The following DMD variants were observed in gnomAD, a reference collection of about 807,000 sequenced individuals.
DMD encodes dystrophin, also known as mutant dystrophin.
In DMD, 63 loss-of-function variants were observed where a neutral mutation model predicts 330.1. The observed-to-expected ratio is 0.19, with a 90% CI of 0.16 to 0.24. DMD has a LOEUF of 0.24. Ranked by LOEUF, DMD falls within the 10% of genes least tolerant of loss-of-function variation. The probability of loss-of-function intolerance (pLI) is 1.00; values close to 1 mark genes in which losing one functional copy is unlikely to be tolerated. For synonymous variants in DMD, 1,223 were observed against 959.8 expected (o/e 1.27, Z -5.07); for missense variants, 3,344 against 2,684.1 (o/e 1.25, Z -5.43).
intron 44 of DMD, among the ~76,000 whole-genome samples, chrX:32,002,650 G>A (rs1339616317): frequency 2.7e-5 from 3 of 110,826 alleles, no homozygotes; most frequent in Non-Finnish European, 3.8e-5. Context: ...GTCTGTCTTC[G>A]ATGAGGGCCT....
At position 31,147,261 on chromosome X, in the gene DMD, A is replaced by T. The variant is rs1177659910; in HGVS notation, c.10797+14T>A. 7 of 1,210,851 alleles carry T rather than the reference A, an allele frequency of 5.8e-6. No individual in the cohort carries two copies. Among genetic ancestry groups the T allele is most frequent in the Non-Finnish European group, 7.8e-6 (7 of 895,111 alleles). The stretch of plus-strand genomic sequence containing the variant: ...AAAAATGAATGTTTGTAAAAATCCC[A>T]TCTCTCTCCTCACTTGCTCCAGCAG... On this transcript the variant is annotated intron_variant, in intron 75 of 78. Coordinates refer to ENST00000357033, the MANE Select transcript of DMD (RefSeq NM_004006.3).
intron 51 of DMD, among the ~76,000 whole-genome samples, chrX:31,745,944 C>T (rs751962490): frequency 7.6e-4 from 85 of 111,495 alleles, no homozygotes; most frequent in African/African-American, 2.7e-3. Context: ...TATAACTTTT[C>T]AATGCCCTTA....
rs930724527 is a variant in DMD at position 32,528,599 on chromosome X, G to A, written c.2169-10468C>T. ...GAAAGACTGGTTCAGGCCAAGAAGG[G>A]AAGTGGGGGTCAGACATGCCTCATT... On this transcript the variant is annotated intron_variant, in intron 17 of 78. Coordinates refer to ENST00000357033, the MANE Select transcript of DMD (RefSeq NM_004006.3). 5.4e-5 allele frequency among the ~76,000 whole-genome samples: 6 copies of A among 111,440 alleles called. No individual in the cohort carries two copies. The Admixed American group carries it at 5.7e-4, about 11-fold the overall frequency.
chrX:32,112,429 C>T (rs754225084), intron 44 of DMD, among the ~76,000 whole-genome samples: 15 of 111,596 alleles, frequency 1.3e-4, no homozygotes, highest in Admixed American at 2.9e-4. Context: ...AAAGACACAA[C>T]GAGGTAGAGG....
At chrX:32,477,360 G>A (rs2041341658) in intron 21 of DMD, among the ~76,000 whole-genome samples, 1 of 110,462 alleles carries the variant, frequency 9.1e-6, no homozygotes, top group Admixed American at 9.7e-5. Flanking sequence ...GGATGGAAGT[G>A]ATAAAGTATA....
chrX:32,483,820 CAAAA>C (rs770119472), intron 21 of DMD, among the ~76,000 whole-genome samples: 2 of 37,269 alleles, frequency 5.4e-5, no homozygotes, highest in Admixed American at 4.2e-4. Context: ...CTCTGAAGTA[CAAAA>C]AAAAAAAAAA....
At chrX:32,949,145 A>G (rs977134055) in intron 2 of DMD, among the ~76,000 whole-genome samples, 1 of 110,223 alleles carries the variant, frequency 9.1e-6, no homozygotes, top group Non-Finnish European at 1.9e-5. Context: ...CTAAAACTAC[A>G]CCCATCTATT....
In DMD at chrX:31,146,423, T is replaced by G. The variant is rs762294570; in HGVS notation, c.10798-9A>C. 8.3e-7 allele frequency: 1 copy of G among 1,206,679 alleles called. No homozygotes were observed. The highest frequency in any genetic ancestry group is 3.0e-5 in the East Asian group (1 of 33,744). ...TTGGCCTCTGCCTGGGGCTAAGTCATCCAAAAGAAAACAGAATTACTTTTC... is the reference window on the plus strand; with the variant it reads ...TTGGCCTCTGCCTGGGGCTAAGTCAGCCAAAAGAAAACAGAATTACTTTTC... On this transcript the variant is annotated splice_polypyrimidine_tract_variant and intron_variant, in intron 75 of 78. Transcript: ENST00000357033.
At chrX:32,518,154 T>A in intron 17 of DMD, 23 bp from the exon 18 acceptor site, 1 of 1,189,997 alleles carries the variant, frequency 8.4e-7, no homozygotes, top group African/African-American at 1.7e-5. Flanking sequence ...AAAATAAAAG[T>A]CATTATTTCT....
intron 48 of DMD, among the ~76,000 whole-genome samples, chrX:31,840,168 T>C (rs184018655): frequency 8.9e-6 from 1 of 111,933 alleles, no homozygotes; most frequent in African/African-American, 3.2e-5. Context: ...GTTTTCATAG[T>C]ATTTATACAT....
chrX:31,954,199 A>G (rs1266481468), intron 45 of DMD, among the ~76,000 whole-genome samples: 1 of 112,061 alleles, frequency 8.9e-6, no homozygotes, highest in Non-Finnish European at 1.9e-5. Context: ...GCAAAAATAG[A>G]TCATCAAAAA....
intron 2 of DMD, among the ~76,000 whole-genome samples, chrX:32,862,611 T>TTTG (rs1370890492): frequency 8.1e-5 from 9 of 111,600 alleles, no homozygotes; most frequent in African/African-American, 2.9e-4. Context: ...GGTAAATGCT[T>TTTG]TATCTTATAT....
chrX:32,116,038 T>A (rs1322610558), intron 44 of DMD, among the ~76,000 whole-genome samples: 1 of 111,705 alleles, frequency 9.0e-6, no homozygotes, highest in Non-Finnish European at 1.9e-5. Context: ...TATGAAAGAG[T>A]TAAATTCTTT....
chrX:31,984,602 C>CACATG (rs1277699143), intron 44 of DMD, among the ~76,000 whole-genome samples: 2 of 112,090 alleles, frequency 1.8e-5, no homozygotes, highest in African/African-American at 6.5e-5. Context: ...GTCTTGTACT[C>CACATG]ACATGATGAA....
chrX:32,029,004 T>G (rs571532699), intron 44 of DMD, among the ~76,000 whole-genome samples: 61 of 111,536 alleles, frequency 5.5e-4, no homozygotes, highest in African/African-American at 1.8e-3. Flanking sequence ...TGCTCTGTTT[T>G]GAACATACTG....
At position 31,121,763 on chromosome X, in the gene DMD, C is replaced by CTT. The variant is rs2032608570; in HGVS notation, c.*154_*155dup. ...AATATAGATTTATTTCTTGTAAACT[C>CTT]TTACTGTCTAATCCTCTTTGTTGTA... is the stretch of plus-strand genomic sequence containing the variant. On this transcript the variant is annotated 3_prime_UTR_variant, in exon 79 of 79. Transcript: ENST00000357033. 1 of 797,077 alleles carries CTT rather than the reference C, an allele frequency of 1.3e-6. No individual in the cohort carries two copies. The highest frequency in any genetic ancestry group is 2.2e-5 in the Admixed American group (1 of 44,872). The allele number at this position is 797,077 out of a possible 1,213,427, so 65.7% of individuals were successfully genotyped here. A position where few individuals can be genotyped will look rare whatever the true frequency, so the allele number is the denominator to read the frequency against.
intron 29 of DMD, among the ~76,000 whole-genome samples, chrX:32,425,778 G>C (rs1356322772): frequency 2.7e-5 from 3 of 110,926 alleles, no homozygotes; most frequent in African/African-American, 9.8e-5. Flanking sequence ...CACAGTACTG[G>C]TACAAAAACA....
chrX:32,212,810 G>A lies in DMD; in HGVS notation c.6438+4106C>T, dbSNP rs745927677. On this transcript the variant is annotated intron_variant, in intron 44 of 78. Coordinates refer to ENST00000357033, the MANE Select transcript of DMD (RefSeq NM_004006.3). ...AAAAAAATGGGATATTTTTAGAGAGGTTCTCCATAGTGGCATGGTATATTG... is the reference window on the plus strand; with the variant it reads ...AAAAAAATGGGATATTTTTAGAGAGATTCTCCATAGTGGCATGGTATATTG... 3.6e-5 allele frequency among the ~76,000 whole-genome samples: 4 copies of A among 111,555 alleles called. No homozygotes were observed. In the East Asian group the frequency reaches 1.1e-3, roughly 32 times the overall value.
chrX:33,069,238 G>A (rs1349881965), intron 1 of DMD, among the ~76,000 whole-genome samples: 1 of 110,586 alleles, frequency 9.0e-6, no homozygotes, highest in Non-Finnish European at 1.9e-5. Flanking sequence ...CCTTCAACAA[G>A]TTCATCTGCC....
Sources: gnomAD v4.1 joint callset for allele counts (sites outside exome capture counted in the v4.1 genomes callset) on GRCh38, gnomAD v4.1.1 for gene constraint, MANE v1.5 for transcripts, NCBI Gene and HGNC (gene_info 2026-07-23, HGNC 2026-07-21) for gene names.